Variants in RPS19 observed in about 807,000 individuals in gnomAD.
RPS19 encodes the protein small ribosomal subunit protein eS19.
A neutral mutation model predicts 20.3 loss-of-function variants in RPS19; 1 was observed. The observed-to-expected ratio is 0.05, with a 90% CI of 0.02 to 0.23. The LOEUF (loss-of-function observed/expected upper bound fraction) is 0.23. Ranked by LOEUF, RPS19 falls within the 10% of genes least tolerant of loss-of-function variation. The pLI, the probability that RPS19 is intolerant of heterozygous loss-of-function variation, is 1.00. For synonymous variants in RPS19, 87 were observed against 74.8 expected (o/e 1.16, Z -0.84); for missense variants, 111 against 192.7 (o/e 0.58, Z 2.51).
chr19:41,869,789 A>G lies in RPS19; in HGVS notation c.411+36A>G, dbSNP rs1555841610. On this transcript the variant is annotated intron_variant, in intron 5 of 5. Transcript: ENST00000598742. ...CGTTTGGGGTGGGGCTGGGTCCCTT[A>G]GTCGCTGCCCAAGCATTTCCAAAGC... 1.9e-6 allele frequency: 3 copies of G among 1,602,542 alleles called. No homozygotes were observed. In the South Asian group the frequency reaches 3.3e-5, roughly 18 times the overall value.
chr19:41,860,970 C>A (rs1274470031), intron 2 of RPS19, 125 bp downstream of exon 2: 3 of 1,111,544 alleles, frequency 2.7e-6, no homozygotes, highest in African/African-American at 1.5e-5. Context: ...CTCCTTTCAG[C>A]GTGAGGCCTG....
chr19:41,870,754 G>A (rs567004917), intron 5 of RPS19, among the ~76,000 whole-genome samples: 213 of 151,848 alleles, frequency 1.4e-3, no homozygotes, highest in African/African-American at 5.0e-3. Context: ...TCCAGGCAGA[G>A]TGGGGCTTGG....
At chr19:41,861,902 T>C (rs563450930) in intron 3 of RPS19, among the ~76,000 whole-genome samples, 5 of 152,354 alleles carry the variant, frequency 3.3e-5, no homozygotes, top group Non-Finnish European at 5.9e-5. Context: ...TTATGTACAG[T>C]CCCTGACTAG....
chr19:41,860,833 C>T lies in RPS19; in HGVS notation c.59C>T (p.Ala20Val), dbSNP rs372693971. 45 of 1,613,536 alleles carry T rather than the reference C, an allele frequency of 2.8e-5. No individual in the cohort carries two copies. The highest frequency in any genetic ancestry group is 3.6e-5 in the Non-Finnish European group (42 of 1,179,748). Residue 20 changes from alanine to valine, a missense_variant, in exon 2 of 6, where the codon GCC (alanine) becomes GTC (valine). Coordinates refer to ENST00000598742, the MANE Select transcript of RPS19 (RefSeq NM_001022.4). Reference protein sequence around the residue: ...NQQEFVRALAAFLKKSGKLKV... With the variant: ...NQQEFVRALAVFLKKSGKLKV... ...CAGGAGTTCGTCAGAGCTCTGGCAG[C>T]CTTCCTCAAAAAGTGAGTTTGGGGA...
chr19:41,865,164 T>C (rs782447429), intron 3 of RPS19, among the ~76,000 whole-genome samples: 5 of 152,040 alleles, frequency 3.3e-5, no homozygotes, highest in Non-Finnish European at 5.9e-5. Flanking sequence ...GTCAAGAGTT[T>C]GAGACCATCC....
chr19:41,870,157 AC>A (rs1412726379), intron 5 of RPS19, among the ~76,000 whole-genome samples: 7 of 151,728 alleles, frequency 4.6e-5, no homozygotes, highest in African/African-American at 1.7e-4. Flanking sequence ...CACAAAAATC[AC>A]TTGAACCCGG....
At position 41,861,284 on chromosome 19, in the gene RPS19, C is replaced by T. The variant is rs548012986; in HGVS notation, c.172+72C>T. 9.3e-6 allele frequency: 10 copies of T among 1,074,648 alleles called. No individual in the cohort carries two copies. The Admixed American group carries it at 1.1e-4, about 12-fold the overall frequency. The allele number at this position is 1,074,648 out of a possible 1,614,324, so 66.6% of individuals were successfully genotyped here. A position where few individuals can be genotyped will look rare whatever the true frequency, so the allele number is the denominator to read the frequency against. On this transcript the variant is annotated intron_variant, in intron 3 of 5. Transcript: ENST00000598742. ...CCTGGCACAAACCATACTTCCCTGT[C>T]TCCTCTGAGCTCTTTCCCGCCCCAA...
rs529570829 is a variant in RPS19, at chr19:41,871,455, C to T, written c.*78C>T. On this transcript the variant is annotated 3_prime_UTR_variant, in exon 6 of 6. Coordinates refer to ENST00000598742, the MANE Select transcript of RPS19 (RefSeq NM_001022.4). ...CTCTTTTTTGAGTCTCTTGCTCTGT[C>T]GCCCAGGCTGGAGTGCAGTGGCGCC... 80 of 1,348,356 alleles carry T rather than the reference C, an allele frequency of 5.9e-5. 1 individual carries two copies. The South Asian group carries it at 8.7e-4, about 15-fold the overall frequency. 83.5% of individuals were successfully genotyped at this position (1,348,356 alleles called of 1,614,324 possible). A position where few individuals can be genotyped will look rare whatever the true frequency, so the allele number is the denominator to read the frequency against.
At chr19:41,862,533 G>T (rs150674878) in intron 3 of RPS19, among the ~76,000 whole-genome samples, 3 of 152,290 alleles carry the variant, frequency 2.0e-5, no homozygotes, top group East Asian at 3.9e-4. Flanking sequence ...CAGTTGGTCA[G>T]AGCAGCTTTG....
intron 5 of RPS19, among the ~76,000 whole-genome samples, chr19:41,871,115 G>A (rs1473222305): frequency 3.3e-5 from 5 of 151,860 alleles, no homozygotes; most frequent in East Asian, 1.9e-4. Context: ...CACCTGCCTC[G>A]GCCTTCCAGA....
chr19:41,870,306 A>G (rs1568796580), intron 5 of RPS19, among the ~76,000 whole-genome samples: 1 of 151,386 alleles, frequency 6.6e-6, no homozygotes, highest in Non-Finnish European at 1.5e-5. Context: ...CACAGAGCAC[A>G]TAGCTGTACC....
chr19:41,866,948 CAG>C (rs2074096648), intron 3 of RPS19, among the ~76,000 whole-genome samples: 1 of 151,780 alleles, frequency 6.6e-6, no homozygotes, highest in Non-Finnish European at 1.5e-5. Context: ...ACCCGGAAGG[CAG>C]AGCTTGCAGT....
At chr19:41,867,737 C>T (rs548068476) in intron 3 of RPS19, among the ~76,000 whole-genome samples, 1 of 151,932 alleles carries the variant, frequency 6.6e-6, no homozygotes, top group Non-Finnish European at 1.5e-5. Flanking sequence ...CCCAGGAGTT[C>T]GAGGCTGCAG....
At chr19:41,863,411 T>C (rs2123265829) in intron 3 of RPS19, among the ~76,000 whole-genome samples, 1 of 152,290 alleles carries the variant, frequency 6.6e-6, no homozygotes, top group South Asian at 2.1e-4. Flanking sequence ...GCGAAGGGAC[T>C]TGCTGCAAGT....
chr19:41,862,495 C>A (rs1477055082), intron 3 of RPS19, among the ~76,000 whole-genome samples: 1 of 152,152 alleles, frequency 6.6e-6, no homozygotes, highest in African/African-American at 2.4e-5. Context: ...CCTGTCCCCC[C>A]ATCTTGCTTT....
At position 41,871,432 on chromosome 19, in the gene RPS19, C is replaced by G. The variant is rs1220910584; in HGVS notation, c.*55C>G. 6.6e-7 allele frequency: 1 copy of G among 1,515,836 alleles called. No individual in the cohort carries two copies. Among genetic ancestry groups the G allele is most frequent in the Non-Finnish European group, 9.2e-7 (1 of 1,092,470 alleles). 93.9% of individuals were successfully genotyped at this position (1,515,836 alleles called of 1,614,324 possible). ...TCATTCGTAATCCTGGTCTGGGTCT[C>G]TTTTTTGAGTCTCTTGCTCTGTCGC... On this transcript the variant is annotated 3_prime_UTR_variant, in exon 6 of 6. Transcript: ENST00000598742.
intron 2 of RPS19, 113 bp from the exon 3 acceptor site, chr19:41,860,999 G>C: frequency 9.0e-7 from 1 of 1,115,460 alleles, no homozygotes; most frequent in Non-Finnish European, 1.4e-6. Flanking sequence ...TCCGGTTCCA[G>C]CCTCTCTTTG....
chr19:41,861,131 C>T lies in RPS19; in HGVS notation c.91C>T (p.Pro31Ser). ...FLKKSGKLKV[P>S]EWVDTVKLAK... is the part of the protein sequence containing the mutation. Reference sequence around the variant, plus strand: ...TCTTAGGTCCGGGAAGCTGAAAGTCCCCGAATGGGTGGATACCGTCAAGCT... The same window carrying T: ...TCTTAGGTCCGGGAAGCTGAAAGTCTCCGAATGGGTGGATACCGTCAAGCT... Residue 31 changes from proline (P) to serine (S), a missense_variant, in exon 3 of 6, where the codon CCC (proline) becomes TCC (serine). Pro to Ser is a moderately conservative substitution (Grantham distance 74). Coordinates refer to ENST00000598742, the MANE Select transcript of RPS19 (RefSeq NM_001022.4). 1 of 1,614,012 alleles carries T rather than the reference C, an allele frequency of 6.2e-7. No homozygotes were observed. The highest frequency in any genetic ancestry group is 8.5e-7 in the Non-Finnish European group (1 of 1,179,984).
intron 4 of RPS19, 99 bp downstream of exon 4, chr19:41,869,313 G>T: frequency 8.7e-7 from 1 of 1,143,716 alleles, no homozygotes; most frequent in South Asian, 1.5e-5. Flanking sequence ...AGCCCCTCAG[G>T]CCCCTCCTAT....
Sources: gnomAD v4.1 joint callset for allele counts (sites outside exome capture counted in the v4.1 genomes callset) on GRCh38, gnomAD v4.1.1 for gene constraint, MANE v1.5 for transcripts, NCBI Gene and HGNC (gene_info 2026-07-23, HGNC 2026-07-21) for gene names.